MASTL: variants seen among roughly 807,000 people sequenced by gnomAD.
MASTL encodes the protein microtubule associated serine/threonine kinase like.
MASTL carries 54 observed loss-of-function variants against 82.5 expected under a neutral mutation model. The ratio of observed to expected loss-of-function variants is 0.65; its 90% CI spans 0.53 to 0.82. The LOEUF is 0.82. MASTL is among the 40% of genes least tolerant of loss of function. The probability of loss-of-function intolerance (pLI) is 0.00; values close to 1 mark genes in which losing one functional copy is unlikely to be tolerated. For synonymous variants in MASTL, 323 were observed against 368.9 expected, an observed-to-expected ratio of 0.88 and a Z score of 1.43; for missense variants, 950 against 1,047.8, an observed-to-expected ratio of 0.91 and a Z score of 1.29.
In MASTL at chr10:27,160,195, A is replaced by T. The variant is rs1345271998; in HGVS notation, c.464+437A>T. On this transcript the variant is annotated intron_variant, in intron 3 of 11. Transcript: ENST00000375940. The stretch of plus-strand genomic sequence containing the variant: ...TTTTTTTTTTTTTTTTTTTGTAGAG[A>T]CAAGGTTCCCAGGCTGCTCTTTAAC... 1.2e-4 allele frequency among the ~76,000 whole-genome samples: 14 copies of T among 118,102 alleles called. No individual in the cohort carries two copies. The South Asian group carries it at 3.8e-3, about 32-fold the overall frequency. The allele number at this position is 118,102 out of a possible 152,430, so 77.5% of individuals were successfully genotyped here.
chr10:27,171,410 A>AATTATTATTATTATT (rs71386919), intron 8 of MASTL, among the ~76,000 whole-genome samples: 32 of 144,766 alleles, frequency 2.2e-4, no homozygotes, highest in African/African-American at 6.8e-4. Context: ...TGAGTTACAA[A>AATTATTATTATTATT]ATTATTATTA....
intron 9 of MASTL, 82 bp downstream of exon 9, chr10:27,173,341 C>T: frequency 5.9e-6 from 9 of 1,513,046 alleles, no homozygotes; most frequent in Non-Finnish European, 8.3e-6. Context: ...AAAATTTCTT[C>T]AGTACTTACG....
chr10:27,164,968 A>G, intron 4 of MASTL, 96 bp from the exon 5 acceptor site: 1 of 848,840 alleles, frequency 1.2e-6, no homozygotes, highest in South Asian at 1.5e-5. Context: ...TTGGTTTACA[A>G]AAAATTGTTT....
At position 27,160,683 on chromosome 10, in the gene MASTL, G is replaced by A. The variant is rs12260145; in HGVS notation, c.465-411G>A. Reference sequence around the variant, plus strand: ...GGAGAACTGCTTGAACCCGGAAGGCGGAGGTTGCAGTGAGCCGAGATTGTG... The same window carrying A: ...GGAGAACTGCTTGAACCCGGAAGGCAGAGGTTGCAGTGAGCCGAGATTGTG... On this transcript the variant is annotated intron_variant, in intron 3 of 11. Coordinates refer to ENST00000375940, the MANE Select transcript of MASTL (RefSeq NM_001172303.3). 5.4e-3 allele frequency among the ~76,000 whole-genome samples: 813 copies of A among 151,934 alleles called. 6 individuals carry two copies. The highest frequency in any genetic ancestry group is 0.018 in the African/African-American group (740 of 41,444).
rs528070679 is a variant in MASTL, at chr10:27,173,005, C to T, written c.2125-113C>T. 8 of 1,247,850 alleles carry T rather than the reference C, an allele frequency of 6.4e-6. No individual in the cohort carries two copies. In the East Asian group the frequency reaches 1.4e-4, roughly 22 times the overall value. 77.3% of individuals were successfully genotyped at this position (1,247,850 alleles called of 1,614,324 possible). On this transcript the variant is annotated intron_variant, in intron 8 of 11. Transcript: ENST00000375940. ...AACTTATCAAAAATTTGACTACATC[C>T]TTTACGCCTAGTAGCCTATGAGCTA...
intron 7 of MASTL, among the ~76,000 whole-genome samples, chr10:27,167,497 G>A (rs150304281): frequency 1.3e-5 from 2 of 152,202 alleles, no homozygotes; most frequent in East Asian, 3.9e-4. Flanking sequence ...ATTATATAAT[G>A]AGATTCTTGC....
At position 27,186,505 on chromosome 10, in the gene MASTL, A is replaced by G; in HGVS notation, c.2609A>G (p.Gln870Arg). Reference protein sequence around the residue: ...TSYFEARNTAQHLTVSGFSL With the variant: ...TSYFEARNTARHLTVSGFSL Reference sequence around the variant, plus strand: ...TATTTTGAAGCCAGGAATACTGCTCAGCACCTGACTGTATCTGGATTTAGT... The same window carrying G: ...TATTTTGAAGCCAGGAATACTGCTCGGCACCTGACTGTATCTGGATTTAGT... Residue 870 changes from glutamine to arginine, a missense_variant, in exon 12 of 12, where the codon CAG (glutamine) becomes CGG (arginine). Gln to Arg is a conservative substitution (Grantham distance 43, BLOSUM62 1). Coordinates refer to ENST00000375940, the MANE Select transcript of MASTL (RefSeq NM_001172303.3). 1 of 1,614,126 alleles carries G rather than the reference A, an allele frequency of 6.2e-7. No individual in the cohort carries two copies. Among genetic ancestry groups the G allele is most frequent in the African/African-American group, 1.3e-5 (1 of 75,060 alleles).
In MASTL at chr10:27,184,554, A is replaced by ATT. The variant is rs752147433; in HGVS notation, c.2483-1802_2483-1801dup. On this transcript the variant is annotated intron_variant, in intron 11 of 11. Coordinates refer to ENST00000375940, the MANE Select transcript of MASTL (RefSeq NM_001172303.3). The stretch of plus-strand genomic sequence containing the variant: ...AAAAACACTATCACATATAAGAAGG[A>ATT]TTTTTTTTTTTTTTTTTTTTTTTTG... Among the ~76,000 whole-genome samples, 521 of 84,796 alleles carry ATT rather than the reference A, an allele frequency of 6.1e-3. 37 individuals are homozygous for ATT. Among genetic ancestry groups the ATT allele is most frequent in the East Asian group, 0.034 (83 of 2,472 alleles). The allele number at this position is 84,796 out of a possible 152,430, so 55.6% of individuals were successfully genotyped here.
At position 27,155,607 on chromosome 10, in the gene MASTL, G is replaced by A. The variant is rs1365308733; in HGVS notation, c.181G>A (p.Val61Ile). 1.2e-6 allele frequency: 2 copies of A among 1,614,194 alleles called. No individual in the cohort carries two copies. Among genetic ancestry groups the A allele is most frequent in the Non-Finnish European group, 1.7e-6 (2 of 1,180,010 alleles). The change falls in exon 1 of 12, where the codon GTA becomes ATA. Residue 61 changes from valine to isoleucine, a missense_variant. Physicochemically the swap from Val to Ile is conservative, Grantham distance 29. Transcript: ENST00000375940. ...LGQKGGKLYA[V>I]KVVKKADMIN... ...GCAGAAAGGCGGCAAATTGTATGCAGTAAAGGTAGGAAGTCAACGAGTAGC... is the reference window on the plus strand; with the variant it reads ...GCAGAAAGGCGGCAAATTGTATGCAATAAAGGTAGGAAGTCAACGAGTAGC...
Position 27,186,657 on chromosome 10 carries a change from T to C in MASTL, c.*121T>C. 1 of 934,570 alleles carries C rather than the reference T, an allele frequency of 1.1e-6. No homozygotes were observed. Among genetic ancestry groups the C allele is most frequent in the Admixed American group, 1.7e-5 (1 of 57,270 alleles). 57.9% of individuals were successfully genotyped at this position (934,570 alleles called of 1,614,324 possible). The stretch of plus-strand genomic sequence containing the variant: ...CATTATTTAACCTAGTTCAATGTGC[T>C]TTTAATGTACGTTACAGCTTTCACA... On this transcript the variant is annotated 3_prime_UTR_variant, in exon 12 of 12. Coordinates refer to ENST00000375940, the MANE Select transcript of MASTL (RefSeq NM_001172303.3).
At position 27,165,173 on chromosome 10, in the gene MASTL, A is replaced by T; in HGVS notation, c.660+3A>T. On this transcript the variant is annotated splice_donor_region_variant and intron_variant, in intron 5 of 11. Transcript: ENST00000375940. ...CGCTTATCAGCTCGTTGGGATTTGTAAGTACTTGAGAAGAAAATTAACATG... is the reference window on the plus strand; with the variant it reads ...CGCTTATCAGCTCGTTGGGATTTGTTAGTACTTGAGAAGAAAATTAACATG... 1 of 1,598,802 alleles carries T rather than the reference A, an allele frequency of 6.3e-7. No individual in the cohort carries two copies. The highest frequency in any genetic ancestry group is 8.6e-7 in the Non-Finnish European group (1 of 1,166,110).
Position 27,165,479 on chromosome 10 carries a change from T to C in MASTL, c.751T>C (p.Cys251Arg). The change falls in exon 6 of 12, where the codon TGC becomes CGC. Residue 251 changes from cysteine to arginine, a missense_variant. Cys to Arg is a radical substitution (Grantham distance 180, BLOSUM62 -3). Coordinates refer to ENST00000375940, the MANE Select transcript of MASTL (RefSeq NM_001172303.3). The stretch of plus-strand genomic sequence containing the variant: ...ATCACAGCTTTCTCAAGGACTCGTA[T>C]GCCCTATGTCTGTAGATCAAAAGGA... The part of the protein sequence containing the change: ...ETSQLSQGLV[C>R]PMSVDQKDTT... 1 of 1,614,154 alleles carries C rather than the reference T, an allele frequency of 6.2e-7. No homozygotes were observed. Among genetic ancestry groups the C allele is most frequent in the Non-Finnish European group, 8.5e-7 (1 of 1,179,976 alleles).
At chr10:27,177,079 G>T (rs1461220694) in intron 9 of MASTL, among the ~76,000 whole-genome samples, 1 of 151,942 alleles carries the variant, frequency 6.6e-6, no homozygotes, top group Non-Finnish European at 1.5e-5. Flanking sequence ...TCCTGACCTT[G>T]TGATCCACCC....
Position 27,161,162 on chromosome 10 carries a change from C to A in MASTL, c.533C>A (p.Ser178Ter), listed in dbSNP as rs1225706762. The A allele has an allele frequency of 2.5e-6, 4 of 1,601,648 alleles. No individual in the cohort carries two copies. Among genetic ancestry groups the A allele is most frequent in the Non-Finnish European group, 3.4e-6 (4 of 1,168,854 alleles). ...ATTAAACTGACGGATTTTGGCCTTT[C>A]AAAAGTTACTTTGAATAGAGGTAAG... is the stretch of plus-strand genomic sequence containing the variant. Reference protein sequence around the residue: ...GHIKLTDFGLSKVTLNRDINM... With the variant: ...GHIKLTDFGL The change falls in exon 4 of 12, where the codon TCA becomes TAA. Residue 178 changes from serine (S) to a stop codon, truncating the protein, a stop_gained. Transcript: ENST00000375940. LOFTEE classifies it high-confidence loss of function.
At position 27,167,083 on chromosome 10, in the gene MASTL, T is replaced by C. The variant is rs748546026; in HGVS notation, c.812-19T>C. On this transcript the variant is annotated intron_variant, in intron 6 of 11. Coordinates refer to ENST00000375940, the MANE Select transcript of MASTL (RefSeq NM_001172303.3). ...AAGAAAGCTGTAACATGGAATTCAA[T>C]ATTGTCTCTTCTCTATAGGTCTTGA... 1 of 1,603,552 alleles carries C rather than the reference T, an allele frequency of 6.2e-7. No homozygotes were observed. Among genetic ancestry groups the C allele is most frequent in the South Asian group, 1.1e-5 (1 of 90,864 alleles).
chr10:27,172,987 C>A, intron 8 of MASTL, 131 bp from the exon 9 acceptor site: 5 of 1,058,460 alleles, frequency 4.7e-6, no homozygotes, highest in Non-Finnish European at 5.5e-6. Flanking sequence ...CAAAACTTAT[C>A]AAAAATTTGA....
At chr10:27,176,370 T>G (rs2058101526) in intron 9 of MASTL, among the ~76,000 whole-genome samples, 1 of 152,178 alleles carries the variant, frequency 6.6e-6, no homozygotes, top group South Asian at 2.1e-4. Context: ...TGCCACCGGA[T>G]TTTTCTTCCA....
At chr10:27,180,329 C>T (rs1212610683) in intron 9 of MASTL, among the ~76,000 whole-genome samples, 2 of 152,220 alleles carry the variant, frequency 1.3e-5, no homozygotes, top group Non-Finnish European at 2.9e-5. Flanking sequence ...CGGAGAAGGC[C>T]GCATGCTGCG....
intron 7 of MASTL, among the ~76,000 whole-genome samples, chr10:27,169,331 G>A (rs138728006): frequency 0.1 from 15,289 of 151,994 alleles, 2,519 homozygotes; most frequent in African/African-American, 0.35. Flanking sequence ...GGGAGGCCTA[G>A]GCAGGTGGAT....
Sources: allele counts gnomAD v4.1 joint callset (sites outside exome capture counted in the v4.1 genomes callset), GRCh38; gene constraint gnomAD v4.1.1; transcripts MANE v1.5; gene names NCBI Gene and HGNC (gene_info 2026-07-23, HGNC 2026-07-21).